Variants in KCNJ6 observed in about 807,000 individuals in gnomAD.
KCNJ6 encodes the protein G protein-activated inward rectifier potassium channel 2.
KCNJ6 carries 9 observed loss-of-function variants against 34.2 expected under a neutral mutation model. The observed-to-expected ratio is 0.26, with a 90% CI of 0.16 to 0.46. The LOEUF (loss-of-function observed/expected upper bound fraction) is 0.46, where lower values mean the gene tolerates loss of function less well. Ranked by LOEUF, KCNJ6 falls within the 20% of genes least tolerant of loss-of-function variation. The probability of loss-of-function intolerance (pLI) is 1.00; values close to 1 mark genes in which losing one functional copy is unlikely to be tolerated. For missense variants in KCNJ6, 236 were observed against 531.3 expected (o/e 0.44, Z 5.46); for synonymous variants, 196 against 207.1 (o/e 0.95, Z 0.46).
At chr21:37,878,603 C>T (rs1290714759) in intron 1 of KCNJ6, among the ~76,000 whole-genome samples, 1 of 152,230 alleles carries the variant, frequency 6.6e-6, no homozygotes, top group Admixed American at 6.5e-5. Context: ...AGCATGAGGC[C>T]TTACCAGCAC....
At chr21:37,819,874 CCT>C (rs1378910248) in intron 2 of KCNJ6, among the ~76,000 whole-genome samples, 61 of 152,096 alleles carry the variant, frequency 4.0e-4, no homozygotes, top group African/African-American at 1.4e-3. Context: ...ACCTCTGCCC[CCT>C]GTGTTCAAAC....
At chr21:37,790,147 C>T (rs766667556) in intron 2 of KCNJ6, among the ~76,000 whole-genome samples, 9 of 152,172 alleles carry the variant, frequency 5.9e-5, no homozygotes, top group Admixed American at 2.6e-4. Context: ...TGTTACATTC[C>T]ATGTTTAAAG....
intron 2 of KCNJ6, among the ~76,000 whole-genome samples, chr21:37,811,179 G>A (rs2055320657): frequency 6.6e-6 from 1 of 152,074 alleles, no homozygotes; most frequent in African/African-American, 2.4e-5. Flanking sequence ...CCAGGAGGCT[G>A]GTGCACCCCA....
chr21:37,636,165 C>G (rs1223045858), intron 3 of KCNJ6, among the ~76,000 whole-genome samples: 2 of 152,200 alleles, frequency 1.3e-5, no homozygotes, highest in Admixed American at 1.3e-4. Context: ...TATCTGGGTC[C>G]TCAATGGATT....
At chr21:37,715,793 C>T (rs2054787494) in intron 2 of KCNJ6, among the ~76,000 whole-genome samples, 1 of 152,172 alleles carries the variant, frequency 6.6e-6, no homozygotes, top group African/African-American at 2.4e-5. Context: ...AGGTGGCCAT[C>T]TGCAAACCAA....
chr21:37,723,045 G>C (rs1243928543), intron 2 of KCNJ6, among the ~76,000 whole-genome samples: 1 of 152,066 alleles, frequency 6.6e-6, no homozygotes, highest in African/African-American at 2.4e-5. Context: ...TCTGACTAAG[G>C]TGTAATATCC....
intron 2 of KCNJ6, among the ~76,000 whole-genome samples, chr21:37,752,572 G>A (rs1479399362): frequency 2.0e-5 from 3 of 152,270 alleles, no homozygotes; most frequent in Non-Finnish European, 4.4e-5. Flanking sequence ...GGAATAGAGA[G>A]GGAGGTGCTG....
chr21:37,753,975 C>T (rs925038347), intron 2 of KCNJ6, among the ~76,000 whole-genome samples: 6 of 152,288 alleles, frequency 3.9e-5, no homozygotes, highest in Admixed American at 2.0e-4. Context: ...CTTTAGAGCA[C>T]GGGGTGCCTT....
intron 3 of KCNJ6, among the ~76,000 whole-genome samples, chr21:37,707,548 A>G (rs2054726469): frequency 6.6e-6 from 1 of 152,046 alleles, no homozygotes; most frequent in Non-Finnish European, 1.5e-5. Context: ...AAATGACACA[A>G]AGGGGCACAG....
rs2054302414 is a variant in KCNJ6, at chr21:37,624,583, T to C, written c.*576A>G. 1 of 153,146 alleles carries C rather than the reference T, an allele frequency of 6.5e-6. No homozygotes were observed. The highest frequency in any genetic ancestry group is 1.5e-5 in the Non-Finnish European group (1 of 68,730). The allele number at this position is 153,146 out of a possible 1,614,324, so 9.5% of individuals were successfully genotyped here. A position where few individuals can be genotyped will look rare whatever the true frequency, so the allele number is the denominator to read the frequency against. On this transcript the variant is annotated 3_prime_UTR_variant, in exon 4 of 4. Transcript: ENST00000609713. ...TGTTCTATGGTACTTTTGTACATGC[T>C]GGGTTTTATTACTAATTACAAAAAG...
chr21:37,720,255 CAAAGAGCTAA>C (rs2054818163), intron 2 of KCNJ6, among the ~76,000 whole-genome samples: 1 of 152,082 alleles, frequency 6.6e-6, no homozygotes, highest in African/African-American at 2.4e-5. Flanking sequence ...ATGTATCACA[CAAAGAGCTAA>C]ATAATGATAA....
intron 1 of KCNJ6, among the ~76,000 whole-genome samples, chr21:37,882,050 T>C (rs1470586346): frequency 6.6e-6 from 1 of 152,150 alleles, no homozygotes; most frequent in East Asian, 1.9e-4. Flanking sequence ...GGGCTGGCAG[T>C]TTTCACCTTA....
intron 1 of KCNJ6, among the ~76,000 whole-genome samples, chr21:37,913,567 C>A (rs557651358): frequency 1.3e-5 from 2 of 152,312 alleles, no homozygotes; most frequent in South Asian, 4.1e-4. Flanking sequence ...CGCCTGTAAT[C>A]CCAGCACTCT....
intron 1 of KCNJ6, among the ~76,000 whole-genome samples, chr21:37,890,821 C>T (rs2055758759): frequency 6.6e-6 from 1 of 152,170 alleles, no homozygotes. Flanking sequence ...CCCGCCTCCC[C>T]CGCATCCAAG....
chr21:37,899,788 C>T (rs1361039117), intron 1 of KCNJ6, among the ~76,000 whole-genome samples: 1 of 152,158 alleles, frequency 6.6e-6, no homozygotes, highest in Admixed American at 6.5e-5. Context: ...ACAGTAAGTT[C>T]CCTTCCTTCC....
chr21:37,689,697 CAT>C (rs2054631199), intron 3 of KCNJ6, among the ~76,000 whole-genome samples: 1 of 152,176 alleles, frequency 6.6e-6, no homozygotes, highest in East Asian at 1.9e-4. Flanking sequence ...AGACAAATGA[CAT>C]GTCATGCCGG....
intron 2 of KCNJ6, among the ~76,000 whole-genome samples, chr21:37,750,492 A>G (rs951540827): frequency 6.6e-6 from 1 of 152,222 alleles, no homozygotes; most frequent in South Asian, 2.1e-4. Flanking sequence ...ACGCCCATCA[A>G]TGATAGACCG....
intron 2 of KCNJ6, among the ~76,000 whole-genome samples, chr21:37,753,214 T>A (rs1286924406): frequency 6.6e-6 from 1 of 152,122 alleles, no homozygotes; most frequent in Non-Finnish European, 1.5e-5. Flanking sequence ...TCTGGATGCC[T>A]AGAGTGACCA....
chr21:37,844,640 T>A (rs1426019880), intron 1 of KCNJ6, among the ~76,000 whole-genome samples: 1 of 151,978 alleles, frequency 6.6e-6, no homozygotes, highest in African/African-American at 2.4e-5. Context: ...CCGTGACCAT[T>A]TTCTACCTCC....
Sources: allele counts gnomAD v4.1 joint callset (sites outside exome capture counted in the v4.1 genomes callset), GRCh38; gene constraint gnomAD v4.1.1; transcripts MANE v1.5; gene names NCBI Gene and HGNC (gene_info 2026-07-23, HGNC 2026-07-21).